Variants in SLC13A2 observed in about 807,000 individuals in gnomAD.
The protein encoded by SLC13A2 is solute carrier family 13 member 2, also known as Na(+)-coupled citrate transporter.
In SLC13A2, 40 loss-of-function variants were observed where a neutral mutation model predicts 58.5. The observed-to-expected ratio is 0.68, with a 90% CI of 0.53 to 0.89. The LOEUF is 0.89. Ranked by LOEUF, SLC13A2 falls within the 40% of genes least tolerant of loss-of-function variation. The probability of loss-of-function intolerance (pLI) is 0.00; values close to 1 mark genes in which losing one functional copy is unlikely to be tolerated. For missense variants in SLC13A2, 694 were observed against 772.6 expected (o/e 0.90, Z 1.21); for synonymous variants, 341 against 331.6 (o/e 1.03, Z -0.31).
chr17:28,494,939 C>T lies in SLC13A2; in HGVS notation c.1308+427C>T, dbSNP rs1481458563. On this transcript the variant is annotated intron_variant, in intron 9 of 11. Coordinates refer to ENST00000314669, the MANE Select transcript of SLC13A2 (RefSeq NM_003984.4). The surrounding 1 kb of genome is among the most constrained non-coding windows in gnomAD (Gnocchi z 4.0). ...AGGCTCTGGGGACCAGAACATCTTT[C>T]CCCAGAGCCTCCATCCAAAAGAGGG... Among the ~76,000 whole-genome samples, 1 of 152,130 alleles carries T rather than the reference C, an allele frequency of 6.6e-6. No individual in the cohort carries two copies. Among genetic ancestry groups the T allele is most frequent in the Non-Finnish European group, 1.5e-5 (1 of 68,022 alleles).
Position 28,490,722 on chromosome 17 carries a change from G to T in SLC13A2, c.390G>T (p.Leu130=). The part of the protein sequence containing the change: ...RPAPLILGFM[L]VTAFLSMWIS... ...CTAGGCTAATCCTGGGCTTCATGCT[G>T]GTCACGGCCTTCCTGTCCATGTGGA... is the stretch of plus-strand genomic sequence containing the variant. The change falls in exon 4 of 12, where the codon CTG becomes CTT. Residue 130 remains leucine (L), a synonymous_variant. Coordinates refer to ENST00000314669, the MANE Select transcript of SLC13A2 (RefSeq NM_003984.4). 1 of 1,613,788 alleles carries T rather than the reference G, an allele frequency of 6.2e-7. No homozygotes were observed. Among genetic ancestry groups the T allele is most frequent in the Non-Finnish European group, 8.5e-7 (1 of 1,179,892 alleles).
intron 1 of SLC13A2, among the ~76,000 whole-genome samples, chr17:28,483,465 C>T (rs1342974340): frequency 1.4e-5 from 2 of 138,998 alleles, no homozygotes; most frequent in African/African-American, 5.3e-5. Context: ...CTCATCTCTA[C>T]AAAAAAAAAA....
At chr17:28,478,067 A>C (rs546586722) in intron 1 of SLC13A2, among the ~76,000 whole-genome samples, 1 of 152,220 alleles carries the variant, frequency 6.6e-6, no homozygotes, top group East Asian at 1.9e-4. Context: ...CAAAAAATAA[A>C]AAAAAAAAGC....
At chr17:28,485,101 A>G (rs1055104134) in intron 1 of SLC13A2, among the ~76,000 whole-genome samples, 57 of 152,192 alleles carry the variant, frequency 3.7e-4, no homozygotes, top group Non-Finnish European at 7.9e-4. Context: ...ACAGTCAAGG[A>G]ACAGAGCTGG....
chr17:28,496,851 G>A lies in SLC13A2; in HGVS notation c.1609-248G>A, dbSNP rs2069153810. Among the ~76,000 whole-genome samples, 1 of 152,336 alleles carries A rather than the reference G, an allele frequency of 6.6e-6. No homozygotes were observed. The highest frequency in any genetic ancestry group is 1.9e-4 in the East Asian group (1 of 5,184). On this transcript the variant is annotated intron_variant, in intron 11 of 11. Coordinates refer to ENST00000314669, the MANE Select transcript of SLC13A2 (RefSeq NM_003984.4). This position sits in a 1 kb window ranked among gnomAD's most constrained non-coding sequence, Gnocchi z 4.2. ...CCAAGGTGCCAGGCACCCACACTCA[G>A]GGAGATGAGCTCAGAGAGAACAAGC...
intron 1 of SLC13A2, chr17:28,487,552 T>C (rs2068904875): frequency 1.0e-6 from 1 of 985,278 alleles, no homozygotes; most frequent in Middle Eastern, 5.2e-4. Context: ...ATCAGCAGAG[T>C]GAGCGCAACC....
At chr17:28,493,494 A>C in intron 6 of SLC13A2, 77 bp from the exon 7 acceptor site, 1 of 1,254,430 alleles carries the variant, frequency 8.0e-7, no homozygotes, top group Non-Finnish European at 1.1e-6. Context: ...CTCAGCCTTT[A>C]GATGGTAGGC....
At chr17:28,487,085 G>A (rs1404071018) in intron 1 of SLC13A2, among the ~76,000 whole-genome samples, 5 of 152,144 alleles carry the variant, frequency 3.3e-5, no homozygotes, top group Admixed American at 6.5e-5. Flanking sequence ...GGCGTGAGCC[G>A]CCATGCCCAG....
intron 1 of SLC13A2, among the ~76,000 whole-genome samples, chr17:28,484,941 TG>T (rs1166666401): frequency 2.6e-5 from 4 of 151,892 alleles, no homozygotes; most frequent in African/African-American, 9.7e-5. Context: ...GTGACTTCCT[TG>T]GGGGTGGGGG....
Position 28,496,373 on chromosome 17 carries a change from CAGG to C in SLC13A2, c.1471-74_1471-72del. On this transcript the variant is annotated intron_variant, in intron 10 of 11. Coordinates refer to ENST00000314669, the MANE Select transcript of SLC13A2 (RefSeq NM_003984.4). This position sits in a 1 kb window ranked among gnomAD's most constrained non-coding sequence, Gnocchi z 4.2. The stretch of plus-strand genomic sequence containing the variant: ...GTACAGGGGTTGTTCCCCAGAGAAG[CAGG>C]AGAATTGGGGGCCATGCCCCTCCCT... 1 of 1,506,574 alleles carries C rather than the reference CAGG, an allele frequency of 6.6e-7. No homozygotes were observed. The highest frequency in any genetic ancestry group is 1.3e-5 in the South Asian group (1 of 75,992). The allele number at this position is 1,506,574 out of a possible 1,614,324, so 93.3% of individuals were successfully genotyped here.
At chr17:28,486,876 C>T (rs1383693896) in intron 1 of SLC13A2, among the ~76,000 whole-genome samples, 1 of 151,652 alleles carries the variant, frequency 6.6e-6, no homozygotes, top group Non-Finnish European at 1.5e-5. Flanking sequence ...CAGCTCACTC[C>T]AGCCTCAACC....
Position 28,497,580 on chromosome 17 carries a change from GCA to G in SLC13A2, c.*315_*316del. ...ATCCTAGGTATGTATGTTGGACAGT[GCA>G]CACGTGTGTGTTCACAGACAATACA... is the stretch of plus-strand genomic sequence containing the variant. On this transcript the variant is annotated 3_prime_UTR_variant, in exon 12 of 12. Coordinates refer to ENST00000314669, the MANE Select transcript of SLC13A2 (RefSeq NM_003984.4). The G allele has an allele frequency of 5.9e-6, 2 of 340,794 alleles. No individual in the cohort carries two copies. The highest frequency in any genetic ancestry group is 1.4e-4 in the South Asian group (2 of 13,992). The allele number at this position is 340,794 out of a possible 1,614,324, so 21.1% of individuals were successfully genotyped here.
intron 1 of SLC13A2, among the ~76,000 whole-genome samples, chr17:28,475,623 C>A (rs1197174246): frequency 1.3e-5 from 2 of 152,214 alleles, no homozygotes; most frequent in Non-Finnish European, 2.9e-5. Context: ...TGTCAGCTCC[C>A]ATCTCCAAGA....
At position 28,493,775 on chromosome 17, in the gene SLC13A2, T is replaced by C. The variant is rs375312186; in HGVS notation, c.1083T>C (p.Asn361=). Residue 361 remains asparagine (N), a synonymous_variant, in exon 7 of 12, where the codon AAT becomes AAC. Coordinates refer to ENST00000314669, the MANE Select transcript of SLC13A2 (RefSeq NM_003984.4). ...FLGWGNLAFP[N]AKGESMVSDG... ...GCTGGGGCAATTTGGCTTTTCCCAA[T>C]GCCAAGGGGGAGAGGTGAGAGTTGC... 16 of 1,614,102 alleles carry C rather than the reference T, an allele frequency of 9.9e-6. No homozygotes were observed. In the African/African-American group the frequency reaches 1.2e-4, roughly 12 times the overall value.
chr17:28,497,472 G>A lies in SLC13A2; in HGVS notation c.*203G>A, dbSNP rs1462653359. The A allele has an allele frequency of 3.3e-6, 2 of 614,172 alleles. No individual in the cohort carries two copies. Among genetic ancestry groups the A allele is most frequent in the Non-Finnish European group, 5.6e-6 (2 of 355,270 alleles). The allele number at this position is 614,172 out of a possible 1,614,324, so 38.0% of individuals were successfully genotyped here. On this transcript the variant is annotated 3_prime_UTR_variant, in exon 12 of 12. Coordinates refer to ENST00000314669, the MANE Select transcript of SLC13A2 (RefSeq NM_003984.4). The stretch of plus-strand genomic sequence containing the variant: ...TGGAATAAAAGGTGTGTGCATGTGT[G>A]TGTGCGCATATGTGTGCGCCTGCAT...
At chr17:28,477,159 C>CA (rs1297123756) in intron 1 of SLC13A2, among the ~76,000 whole-genome samples, 33 of 141,496 alleles carry the variant, frequency 2.3e-4, no homozygotes, top group Middle Eastern at 3.6e-3. Flanking sequence ...GACTCTATCT[C>CA]AAAAAAAACA....
intron 10 of SLC13A2, 42 bp downstream of exon 10, chr17:28,495,858 T>C (rs782106750): frequency 9.4e-6 from 15 of 1,592,538 alleles, no homozygotes; most frequent in Non-Finnish European, 1.2e-5. Flanking sequence ...GCAGCCCGCC[T>C]GCCTGCCCCA....
At chr17:28,484,110 C>T (rs2068835793) in intron 1 of SLC13A2, among the ~76,000 whole-genome samples, 1 of 152,198 alleles carries the variant, frequency 6.6e-6, no homozygotes, top group Non-Finnish European at 1.5e-5. Context: ...AGGCACCTCG[C>T]TGGGGTGAGC....
At chr17:28,493,164 C>A (rs1555603848) in intron 6 of SLC13A2, among the ~76,000 whole-genome samples, 1 of 152,116 alleles carries the variant, frequency 6.6e-6, no homozygotes, top group Non-Finnish European at 1.5e-5. Flanking sequence ...GAGGACAATG[C>A]AGGTGGGGCT....
Sources: allele counts gnomAD v4.1 joint callset (sites outside exome capture counted in the v4.1 genomes callset), GRCh38; gene constraint gnomAD v4.1.1; non-coding constraint Gnocchi (gnomAD v3.1); transcripts MANE v1.5; gene names NCBI Gene and HGNC (gene_info 2026-07-23, HGNC 2026-07-21).